WDR49: variants seen among roughly 807,000 people sequenced by gnomAD.
The protein encoded by WDR49 is cilia- and flagella-associated protein 337.
A neutral mutation model predicts 119.5 loss-of-function variants in WDR49; 107 were observed. The ratio of observed to expected loss-of-function variants is 0.90; its 90% CI spans 0.77 to 1.05. The LOEUF (loss-of-function observed/expected upper bound fraction) is 1.05, where lower values mean the gene tolerates loss of function less well. Among genes scored for constraint, WDR49 ranks in the 50% least tolerant of loss-of-function variants. The probability of loss-of-function intolerance (pLI) is 0.00; values close to 1 mark genes in which losing one functional copy is unlikely to be tolerated. For missense variants in WDR49, 1,240 were observed against 1,220.5 expected, an observed-to-expected ratio of 1.02 and a Z score of -0.24; for synonymous variants, 425 against 418.8, an observed-to-expected ratio of 1.01 and a Z score of -0.18.
chr3:167,558,926 T>C (rs1426680419), intron 9 of WDR49, among the ~76,000 whole-genome samples: 2 of 152,190 alleles, frequency 1.3e-5, no homozygotes, highest in African/African-American at 2.4e-5. Context: ...TCCAGTTATT[T>C]CCCTTTTATT....
In WDR49 at chr3:167,496,273, C is replaced by T. The variant is rs73878727; in HGVS notation, c.3031+3880G>A. 1.2e-3 allele frequency among the ~76,000 whole-genome samples: 183 copies of T among 152,086 alleles called. 1 individual carries two copies. The highest frequency in any genetic ancestry group is 4.0e-3 in the African/African-American group (165 of 41,472). ...TCCCTATTTCTGATTAAATAAATGC[C>T]GAGTCCTTAGCATAGTTTACTAGAT... On this transcript the variant is annotated intron_variant, in intron 18 of 18. Coordinates refer to ENST00000682715, the MANE Select transcript of WDR49 (RefSeq NM_001366157.1).
At position 167,575,300 on chromosome 3, in the gene WDR49, G is replaced by A. The variant is rs755751141; in HGVS notation, c.1509+618C>T. 53 of 986,550 alleles carry A rather than the reference G, an allele frequency of 5.4e-5. 1 individual carries two copies. The highest frequency in any genetic ancestry group is 3.7e-4 in the South Asian group (8 of 21,346). 61.1% of individuals were successfully genotyped at this position (986,550 alleles called of 1,614,324 possible). On this transcript the variant is annotated intron_variant, in intron 8 of 18. Coordinates refer to ENST00000682715, the MANE Select transcript of WDR49 (RefSeq NM_001366157.1). ...TCCTCCAAGAAGGGCTGTGGTCTGC[G>A]CAGTAACTCTGCTCCAGGGGAGCCC... is the stretch of plus-strand genomic sequence containing the variant.
At chr3:167,603,666 A>G (rs1018003197) in intron 6 of WDR49, among the ~76,000 whole-genome samples, 5 of 152,172 alleles carry the variant, frequency 3.3e-5, no homozygotes, top group African/African-American at 9.7e-5. Flanking sequence ...AACAAATATC[A>G]TATATCAAAT....
chr3:167,520,079 ATGTG>A (rs146681932), intron 16 of WDR49, among the ~76,000 whole-genome samples: 6 of 149,180 alleles, frequency 4.0e-5, no homozygotes, highest in South Asian at 2.1e-4. Flanking sequence ...AAAGAAAAAA[ATGTG>A]TGTGTGTGTG....
chr3:167,579,392 A>G (rs74783695), intron 7 of WDR49, among the ~76,000 whole-genome samples: 2 of 152,188 alleles, frequency 1.3e-5, no homozygotes, highest in South Asian at 2.1e-4. Context: ...TATTTACCCA[A>G]TTGCAGTTCT....
chr3:167,630,251 C>A (rs577145822), intron 2 of WDR49, among the ~76,000 whole-genome samples: 6 of 152,240 alleles, frequency 3.9e-5, no homozygotes, highest in African/African-American at 1.2e-4. Flanking sequence ...CAAAGCAAGA[C>A]CCTTCACTAA....
At chr3:167,489,321 C>T (rs1751038143) in intron 18 of WDR49, among the ~76,000 whole-genome samples, 1 of 152,006 alleles carries the variant, frequency 6.6e-6, no homozygotes, top group Non-Finnish European at 1.5e-5. Context: ...CTTTGGAATC[C>T]CTGCATTCCA....
intron 2 of WDR49, among the ~76,000 whole-genome samples, chr3:167,649,986 G>A (rs6444467): frequency 0.27 from 40,893 of 151,980 alleles, 5,817 homozygotes; most frequent in African/African-American, 0.35. Context: ...GGCAAACTAT[G>A]GTCTCAGACC....
At chr3:167,624,692 A>G (rs1717045195) in intron 3 of WDR49, among the ~76,000 whole-genome samples, 2 of 152,246 alleles carry the variant, frequency 1.3e-5, no homozygotes, top group South Asian at 4.1e-4. Flanking sequence ...GAGTAAGCAC[A>G]AAAGAAAGGC....
rs752911333 is a variant in WDR49, at chr3:167,527,918, A to T, written c.2506T>A (p.Cys836Ser). Residue 836 changes from cysteine to serine, a missense_variant, in exon 15 of 19, where the codon TGT (cysteine) becomes AGT (serine). Cys to Ser is a moderately radical substitution (Grantham distance 112). Coordinates refer to ENST00000682715, the MANE Select transcript of WDR49 (RefSeq NM_001366157.1). ...ATCAGTAACTGACCACCTGGCTCAC[A>T]CATCTCTAAGGAACTTATTCGGTCC... ...HEDRISSLEM[C>S]EPGGQLLIIS... 7 of 1,613,342 alleles carry T rather than the reference A, an allele frequency of 4.3e-6. No homozygotes were observed. In the East Asian group the frequency reaches 8.9e-5, roughly 21 times the overall value.
At chr3:167,548,746 G>T (rs1056410926) in intron 10 of WDR49, among the ~76,000 whole-genome samples, 2 of 152,006 alleles carry the variant, frequency 1.3e-5, no homozygotes, top group Non-Finnish European at 2.9e-5. Flanking sequence ...ACAACGTGCA[G>T]GTTTGTTACA....
intron 7 of WDR49, among the ~76,000 whole-genome samples, chr3:167,581,421 G>A (rs932062331): frequency 1.3e-5 from 2 of 151,742 alleles, no homozygotes; most frequent in Non-Finnish European, 1.5e-5. Flanking sequence ...ACCAACTCTG[G>A]AATTCTGTCA....
chr3:167,554,904 T>C, intron 9 of WDR49, 106 bp from the exon 10 acceptor site: 1 of 831,636 alleles, frequency 1.2e-6, no homozygotes, highest in African/African-American at 1.8e-5. Context: ...GAAAATCAAC[T>C]CATCATTGAA....
intron 16 of WDR49, 30 bp downstream of exon 16, chr3:167,522,285 G>C (rs868501096): frequency 1.3e-6 from 2 of 1,541,732 alleles, no homozygotes; most frequent in East Asian, 2.3e-5. Flanking sequence ...GACTTCAGTT[G>C]ACATCTGGCT....
At chr3:167,597,623 A>G (rs1715549378) in intron 7 of WDR49, among the ~76,000 whole-genome samples, 1 of 152,146 alleles carries the variant, frequency 6.6e-6, no homozygotes, top group Non-Finnish European at 1.5e-5. Context: ...CAAGGATGGT[A>G]CCCTGCAGAG....
At chr3:167,571,595 A>G (rs1234166885) in intron 8 of WDR49, among the ~76,000 whole-genome samples, 1 of 152,216 alleles carries the variant, frequency 6.6e-6, no homozygotes, top group Non-Finnish European at 1.5e-5. Flanking sequence ...TGCCTTTTAA[A>G]AATGATAAAG....
chr3:167,505,420 G>A lies in WDR49; in HGVS notation c.2775-4C>T, dbSNP rs753006694. The A allele has an allele frequency of 6.6e-7, 1 of 1,509,946 alleles. No individual in the cohort carries two copies. The highest frequency in any genetic ancestry group is 2.5e-5 in the Admixed American group (1 of 40,552). 93.5% of individuals were successfully genotyped at this position (1,509,946 alleles called of 1,614,324 possible). A position where few individuals can be genotyped will look rare whatever the true frequency, so the allele number is the denominator to read the frequency against. ...TATATCTTCTGATGGTCTGACACTGGAAGAAAATATTTCATGATGAAATAC... is the reference window on the plus strand; with the variant it reads ...TATATCTTCTGATGGTCTGACACTGAAAGAAAATATTTCATGATGAAATAC... On this transcript the variant is annotated splice_polypyrimidine_tract_variant and splice_region_variant and intron_variant, in intron 16 of 18. Transcript: ENST00000682715.
At chr3:167,530,847 G>A (rs575052043) in intron 13 of WDR49, among the ~76,000 whole-genome samples, 28 of 152,138 alleles carry the variant, frequency 1.8e-4, no homozygotes, top group East Asian at 7.7e-4. Context: ...ATTGTTGCCC[G>A]TATCCAATAA....
rs141592714 is a variant in WDR49 at position 167,539,342 on chromosome 3, G to A, written c.1824-2342C>T. ...TCTAGGTACCTCTTATATTTCTGTC[G>A]GTTTTGTTTTCATTCATGGTATACT... On this transcript the variant is annotated intron_variant, in intron 10 of 18. Transcript: ENST00000682715. Among the ~76,000 whole-genome samples the A allele has an allele frequency of 5.4e-3, 822 of 151,912 alleles. 11 individuals carry two copies. Among genetic ancestry groups the A allele is most frequent in the African/African-American group, 0.019 (784 of 41,434 alleles).
Sources: allele counts gnomAD v4.1 joint callset (sites outside exome capture counted in the v4.1 genomes callset), GRCh38; gene constraint gnomAD v4.1.1; transcripts MANE v1.5; gene names NCBI Gene and HGNC (gene_info 2026-07-23, HGNC 2026-07-21).